The following SBF1 variants were observed in gnomAD, a reference collection of about 807,000 sequenced individuals.
SBF1 encodes the protein SET binding factor 1, also known as myotubularin-related protein 5.
A neutral mutation model predicts 215.8 loss-of-function variants in SBF1; 65 were observed. That is an observed-to-expected ratio of 0.30 (90% CI 0.25 to 0.37). The LOEUF is 0.37. SBF1 is among the 10% of genes least tolerant of loss of function. The pLI, the probability that SBF1 is intolerant of heterozygous loss-of-function variation, is 1.00. For missense variants in SBF1, 2,634 were observed against 2,667.8 expected (o/e 0.99, Z 0.28); for synonymous variants, 1,410 against 1,122.8 (o/e 1.26, Z -5.11).
chr22:50,459,179 T>C (rs1013458479), intron 28 of SBF1, 76 bp downstream of exon 28: 78 of 1,523,624 alleles, frequency 5.1e-5, no homozygotes, highest in Non-Finnish European at 6.5e-5. Flanking sequence ...CTCCCTGGCC[T>C]GCCTGCCAAA....
chr22:50,463,567 G>A (rs562561519), intron 15 of SBF1, 135 bp from the exon 16 acceptor site: 46 of 948,138 alleles, frequency 4.9e-5, no homozygotes, highest in Non-Finnish European at 5.6e-5. Context: ...GGGCTTTGCC[G>A]ACCAATAAAG....
Position 50,467,409 on chromosome 22 carries a change from G to C in SBF1, c.478C>G (p.Leu160Val), listed in dbSNP as rs2067814385. 1 of 1,614,176 alleles carries C rather than the reference G, an allele frequency of 6.2e-7. No individual in the cohort carries two copies. Among genetic ancestry groups the C allele is most frequent in the Non-Finnish European group, 8.5e-7 (1 of 1,180,026 alleles). ...GLIYAIHVEG[L>V]NVCLENVIGN... Reference sequence around the variant, plus strand: ...ATCACGTTCTCCAGGCACACATTCAGGCCCTCCACGTGGATGGCATAGATG... The same window carrying C: ...ATCACGTTCTCCAGGCACACATTCACGCCCTCCACGTGGATGGCATAGATG... The change falls in exon 5 of 41, where the codon CTG becomes GTG. Residue 160 changes from leucine (L) to valine (V), a missense_variant. By Grantham distance (32) the Leu-to-Val change is conservative. Coordinates refer to ENST00000380817, the MANE Select transcript of SBF1 (RefSeq NM_002972.4).
intron 15 of SBF1, among the ~76,000 whole-genome samples, chr22:50,463,918 G>A (rs553206278): frequency 3.3e-5 from 5 of 152,352 alleles, no homozygotes; most frequent in Middle Eastern, 3.4e-3. Flanking sequence ...GCACCACAGA[G>A]AGCAAAACAG....
At chr22:50,450,087 C>T (rs60130679) in intron 36 of SBF1, among the ~76,000 whole-genome samples, 140 of 152,314 alleles carry the variant, frequency 9.2e-4, no homozygotes, top group African/African-American at 3.2e-3. Context: ...GTCTGCAGGG[C>T]AGCCCACAGA....
At chr22:50,467,505 C>A (rs1445818543) in intron 4 of SBF1, 27 bp downstream of exon 4, 1 of 1,613,720 alleles carries the variant, frequency 6.2e-7, no homozygotes, top group South Asian at 1.1e-5. Flanking sequence ...CCTCGTCGTG[C>A]CTCGCCGCCC....
chr22:50,448,549 G>T lies in SBF1; in HGVS notation c.5145C>A (p.Asp1715Glu). The T allele has an allele frequency of 6.2e-7, 1 of 1,612,032 alleles. No individual in the cohort carries two copies. The highest frequency in any genetic ancestry group is 1.1e-5 in the South Asian group (1 of 91,048). The change falls in exon 37 of 41, where the codon GAC becomes GAA. Residue 1715 changes from aspartate to glutamate, a missense_variant. Asp to Glu is a conservative substitution (Grantham distance 45). Coordinates refer to ENST00000380817, the MANE Select transcript of SBF1 (RefSeq NM_002972.4). ...CACACTGGCCCTCACTCACACGGCC[G>T]TCTGGCCGGCCCTCGAGGCGCTGTG... Reference protein sequence around the residue: ...KAAQRLEGRPDGRGTPSSLLV... With the variant: ...KAAQRLEGRPEGRGTPSSLLV...
intron 36 of SBF1, among the ~76,000 whole-genome samples, chr22:50,454,277 C>T (rs568494610): frequency 2.6e-5 from 4 of 152,264 alleles, no homozygotes; most frequent in South Asian, 4.2e-4. Flanking sequence ...TCTCTGATGA[C>T]GGCCCTCCTG....
Position 50,474,939 on chromosome 22 carries a change from G to A in SBF1, c.-99C>T. 4.6e-6 allele frequency: 4 copies of A among 867,742 alleles called. No individual in the cohort carries two copies. The highest frequency in any genetic ancestry group is 4.5e-5 in the Admixed American group (1 of 22,220). The allele number at this position is 867,742 out of a possible 1,614,324, so 53.8% of individuals were successfully genotyped here. A position where few individuals can be genotyped will look rare whatever the true frequency, so the allele number is the denominator to read the frequency against. ...TGGCCCGGCCCCGGCCCTGGACCGC[G>A]CACCCCGGACACCCCTGGTTCGCTC... is the stretch of plus-strand genomic sequence containing the variant. On this transcript the variant is annotated 5_prime_UTR_variant, in exon 1 of 41. Coordinates refer to ENST00000380817, the MANE Select transcript of SBF1 (RefSeq NM_002972.4).
Position 50,456,381 on chromosome 22 carries a change from G to T in SBF1, c.4101C>A (p.Asp1367Glu), listed in dbSNP as rs369760794. 4.3e-6 allele frequency: 7 copies of T among 1,612,576 alleles called. No individual in the cohort carries two copies. Among genetic ancestry groups the T allele is most frequent in the Non-Finnish European group, 4.2e-6 (5 of 1,179,990 alleles). ...DKAQLKGVRSDPLQQWELVPI... is the reference protein window; with the variant it reads ...DKAQLKGVRSEPLQQWELVPI... ...GCACCAGCTCCCACTGCTGCAGGGG[G>T]TCTGACCGCACACCCTGAAAAGAAT... Residue 1367 changes from aspartate to glutamate, a missense_variant, in exon 31 of 41, where the codon GAC becomes GAA. Physicochemically the swap from Asp to Glu is conservative, Grantham distance 45 (BLOSUM62 2). Transcript: ENST00000380817.
chr22:50,463,311 A>G lies in SBF1; in HGVS notation c.1871T>C (p.Val624Ala). 6.2e-7 allele frequency: 1 copy of G among 1,613,480 alleles called. No individual in the cohort carries two copies. Among genetic ancestry groups the G allele is most frequent in the Non-Finnish European group, 8.5e-7 (1 of 1,179,812 alleles). ...CAGGCAGCAGTTCATCATACGGACG[A>G]CAAAGTCAAACTGCTGGTGGTCCAG... ...AVLDHQQFDF[V>A]VRMMNCCLQD... Residue 624 changes from valine to alanine, a missense_variant, in exon 16 of 41, where the codon GTC becomes GCC. Transcript: ENST00000380817.
Position 50,462,101 on chromosome 22 carries a change from G to A in SBF1, c.2415C>T (p.Ala805=), listed in dbSNP as rs369244386. 5.1e-4 allele frequency: 830 copies of A among 1,613,692 alleles called. 1 individual carries two copies. The highest frequency in any genetic ancestry group is 6.3e-4 in the Non-Finnish European group (741 of 1,180,040). ...AGCCGCTCTCCGTGTCATAGCTCTCGGCCACACTGCCAGCCATGCTGGGCC... is the reference window on the plus strand; with the variant it reads ...AGCCGCTCTCCGTGTCATAGCTCTCAGCCACACTGCCAGCCATGCTGGGCC... The part of the protein sequence containing the change: ...LVTNSMAGSV[A]ESYDTESGFE... The change falls in exon 20 of 41, where the codon GCC becomes GCT. Residue 805 remains alanine, a synonymous_variant. Transcript: ENST00000380817.
intron 31 of SBF1, chr22:50,455,933 A>G: frequency 1.8e-6 from 1 of 555,644 alleles, no homozygotes; most frequent in Non-Finnish European, 3.2e-6. Flanking sequence ...GCCCAGAACC[A>G]TAAACTGCAT....
intron 1 of SBF1, among the ~76,000 whole-genome samples, chr22:50,470,335 G>A (rs1046454142): frequency 6.6e-6 from 1 of 152,196 alleles, no homozygotes; most frequent in African/African-American, 2.4e-5. Flanking sequence ...TCCCCAGGAG[G>A]ATGGGCAGAG....
intron 1 of SBF1, among the ~76,000 whole-genome samples, chr22:50,472,753 G>A (rs550113985): frequency 4.3e-4 from 65 of 152,232 alleles, no homozygotes; most frequent in African/African-American, 1.3e-3. Flanking sequence ...AGCTCCCACC[G>A]GCCCTGGTAC....
At position 50,467,373 on chromosome 22, in the gene SBF1, G is replaced by C; in HGVS notation, c.514C>G (p.Leu172Val). The change falls in exon 5 of 41, where the codon CTG becomes GTG. Residue 172 changes from leucine to valine, a missense_variant. By Grantham distance (32) the Leu-to-Val change is conservative. Coordinates refer to ENST00000380817, the MANE Select transcript of SBF1 (RefSeq NM_002972.4). ...CCAGCCAGGGGCACAGTGCACGTCA[G>C]CAGGTTCCCAATCACGTTCTCCAGG... Reference protein sequence around the residue: ...VCLENVIGNLLTCTVPLAGGS... With the variant: ...VCLENVIGNLVTCTVPLAGGS... The C allele has an allele frequency of 6.2e-7, 1 of 1,614,156 alleles. No individual in the cohort carries two copies. Among genetic ancestry groups the C allele is most frequent in the Non-Finnish European group, 8.5e-7 (1 of 1,180,018 alleles).
At chr22:50,469,114 C>A (rs934088234) in intron 1 of SBF1, among the ~76,000 whole-genome samples, 1 of 152,174 alleles carries the variant, frequency 6.6e-6, no homozygotes, top group Non-Finnish European at 1.5e-5. Flanking sequence ...AGCAGCTAGA[C>A]GGGAAGGATG....
Position 50,446,998 on chromosome 22 carries a change from A to ACGGGGGCTGTACACACCCC in SBF1, c.*143_*144insGGGGTGTGTACAGCCCCCG. The ACGGGGGCTGTACACACCCC allele has an allele frequency of 5.2e-6, 4 of 764,676 alleles. No homozygotes were observed. Among genetic ancestry groups the ACGGGGGCTGTACACACCCC allele is most frequent in the Non-Finnish European group, 8.9e-6 (4 of 450,452 alleles). The allele number at this position is 764,676 out of a possible 1,614,324, so 47.4% of individuals were successfully genotyped here. A position where few individuals can be genotyped will look rare whatever the true frequency, so the allele number is the denominator to read the frequency against. On this transcript the variant is annotated 3_prime_UTR_variant, in exon 41 of 41. Coordinates refer to ENST00000380817, the MANE Select transcript of SBF1 (RefSeq NM_002972.4). ...GCCGGCCGGGCGGGGCGGGGCGGGG[A>ACGGGGGCTGTACACACCCC]CGGGGGCTGTACACACAAGTGCTGG...
Position 50,461,656 on chromosome 22 carries a change from G to A in SBF1, c.2706C>T (p.Val902=), listed in dbSNP as rs576286170. The change falls in exon 22 of 41, where the codon GTC becomes GTT. Residue 902 remains valine, a synonymous_variant. Transcript: ENST00000380817. ...GEECVLDGLR[V]YLLPDGREEG... is the part of the protein sequence containing the mutation. ...CCTCACGCCCATCCGGCAGCAGGTA[G>A]ACGCGCAGGCCGTCCAGCACACACT... 4.3e-6 allele frequency: 7 copies of A among 1,610,942 alleles called. No individual in the cohort carries two copies. In the South Asian group the frequency reaches 5.5e-5, roughly 13 times the overall value.
At position 50,460,485 on chromosome 22, in the gene SBF1, G is replaced by A. The variant is rs554079345; in HGVS notation, c.3146+49C>T. ...CACAGGGGCCTAGGAGGGTTGGAGC[G>A]GGAACACGGCTGAGGCCCAGCTGCC... On this transcript the variant is annotated intron_variant, in intron 24 of 40. Coordinates refer to ENST00000380817, the MANE Select transcript of SBF1 (RefSeq NM_002972.4). 39 of 1,608,916 alleles carry A rather than the reference G, an allele frequency of 2.4e-5. No homozygotes were observed. The South Asian group carries it at 3.2e-4, about 13-fold the overall frequency.
Sources: allele counts gnomAD v4.1 joint callset (sites outside exome capture counted in the v4.1 genomes callset), GRCh38; gene constraint gnomAD v4.1.1; transcripts MANE v1.5; gene names NCBI Gene and HGNC (gene_info 2026-07-23, HGNC 2026-07-21).